The following ANKRD30B variants were observed in gnomAD, a reference collection of about 807,000 sequenced individuals.
The protein encoded by ANKRD30B is ankyrin repeat domain 30B.
In ANKRD30B, 144 loss-of-function variants were observed where a neutral mutation model predicts 202.2. That is an observed-to-expected ratio of 0.71 (90% CI 0.62 to 0.82). The LOEUF (loss-of-function observed/expected upper bound fraction) is 0.82. Ranked by LOEUF, ANKRD30B falls within the 40% of genes least tolerant of loss-of-function variation. The pLI is 0.00. For missense variants in ANKRD30B, 1,487 were observed against 1,669.1 expected, an observed-to-expected ratio of 0.89 and a Z score of 1.90; for synonymous variants, 508 against 561.3, an observed-to-expected ratio of 0.91 and a Z score of 1.34.
the ANKRD30B span, among the ~76,000 whole-genome samples, chr18:14,931,075 G>A: frequency 6.6e-6 from 1 of 152,184 alleles, no homozygotes; most frequent in Non-Finnish European, 1.5e-5. Flanking sequence ...TGTGCTGCGA[G>A]GTGGCATTTG....
At chr18:14,772,617 A>T (rs1430690745) in intron 9 of ANKRD30B, among the ~76,000 whole-genome samples, 1 of 151,624 alleles carries the variant, frequency 6.6e-6, no homozygotes, top group Admixed American at 6.6e-5. Flanking sequence ...TCATGCTTAA[A>T]TTTGTCTTGA....
chr18:14,926,894 CTA>C, the ANKRD30B span, among the ~76,000 whole-genome samples: 7 of 151,816 alleles, frequency 4.6e-5, no homozygotes, highest in African/African-American at 1.7e-4. Context: ...AAAGCACTGT[CTA>C]TGTGTATTCC....
At chr18:14,784,224 A>G in intron 12 of ANKRD30B, 112 bp from the exon 13 acceptor site, 1 of 1,087,972 alleles carries the variant, frequency 9.2e-7, no homozygotes, top group African/African-American at 1.6e-5. Context: ...AATCTAAACT[A>G]TTCATTCTCA....
At chr18:14,754,146 C>T (rs1913947585) in intron 3 of ANKRD30B, among the ~76,000 whole-genome samples, 2 of 152,154 alleles carry the variant, frequency 1.3e-5, no homozygotes, top group South Asian at 4.1e-4. Context: ...AAGCCAATCT[C>T]TTTTGATTTA....
the ANKRD30B span, among the ~76,000 whole-genome samples, chr18:14,922,448 G>A: frequency 2.0e-5 from 3 of 152,020 alleles, no homozygotes; most frequent in Non-Finnish European, 4.4e-5. Context: ...GAGGTCAGGA[G>A]ATTGAGATCA....
chr18:14,834,232 C>G (rs1469064702), intron 34 of ANKRD30B, among the ~76,000 whole-genome samples: 1 of 150,936 alleles, frequency 6.6e-6, no homozygotes, highest in Admixed American at 6.6e-5. Context: ...CAAAATATAA[C>G]ATGTAATTTT....
intron 24 of ANKRD30B, among the ~76,000 whole-genome samples, chr18:14,806,240 A>G (rs1231106490): frequency 6.9e-6 from 1 of 144,984 alleles, no homozygotes; most frequent in African/African-American, 2.6e-5. Flanking sequence ...GAAAAAAAAA[A>G]TCATAGTGTG....
chr18:14,935,442 A>G, the ANKRD30B span, among the ~76,000 whole-genome samples: 6 of 152,170 alleles, frequency 3.9e-5, no homozygotes, highest in Admixed American at 1.3e-4. Context: ...GGTAAAAATC[A>G]TGTGCATCCA....
At chr18:14,831,307 C>T in intron 33 of ANKRD30B, 76 bp from the exon 34 acceptor site, 1 of 920,514 alleles carries the variant, frequency 1.1e-6, no homozygotes, top group South Asian at 1.6e-5. Flanking sequence ...TTGGAGTGAG[C>T]ACTAAGATAT....
intron 35 of ANKRD30B, 37 bp downstream of exon 35, chr18:14,837,326 A>C: frequency 6.8e-7 from 1 of 1,471,926 alleles, no homozygotes; most frequent in Non-Finnish European, 9.2e-7. Flanking sequence ...AAAATAATAG[A>C]AATGGTAAAT....
chr18:14,853,221 GCTAT>G (rs1346399694), intron 42 of ANKRD30B, among the ~76,000 whole-genome samples: 1 of 151,966 alleles, frequency 6.6e-6, no homozygotes, highest in Non-Finnish European at 1.5e-5. Flanking sequence ...GATGATTGTA[GCTAT>G]CTGTGATTTA....
chr18:14,784,528 G>A lies in ANKRD30B; in HGVS notation c.1665G>A (p.Leu555=), dbSNP rs867563636. 3 of 1,612,652 alleles carry A rather than the reference G, an allele frequency of 1.9e-6. No homozygotes were observed. Among genetic ancestry groups the A allele is most frequent in the Non-Finnish European group, 1.7e-6 (2 of 1,179,060 alleles). Reference sequence around the variant, plus strand: ...TTGAATTGAAGAATGAACAAACATTGAGAGCAGGTAAATTTTTCAATTTAA... The same window carrying A: ...TTGAATTGAAGAATGAACAAACATTAAGAGCAGGTAAATTTTTCAATTTAA... ...KAFELKNEQT[L]RAAQMFPSES... Residue 555 remains leucine, a synonymous_variant, in exon 14 of 44, where the codon TTG becomes TTA. Coordinates refer to ENST00000690538, the MANE Select transcript of ANKRD30B (RefSeq NM_001367607.2).
intron 18 of ANKRD30B, among the ~76,000 whole-genome samples, chr18:14,797,456 T>A (rs548938541): frequency 5.3e-5 from 8 of 152,314 alleles, no homozygotes; most frequent in Admixed American, 4.6e-4. Context: ...GAGCATTGCA[T>A]CTTTTATTCC....
At chr18:14,842,181 A>G (rs962049842) in intron 37 of ANKRD30B, among the ~76,000 whole-genome samples, 93 of 152,330 alleles carry the variant, frequency 6.1e-4, no homozygotes, top group African/African-American at 2.2e-3. Context: ...ATTTTCAAAT[A>G]AACATATCAA....
At chr18:14,766,232 G>C (rs1916111975) in intron 7 of ANKRD30B, among the ~76,000 whole-genome samples, 1 of 151,802 alleles carries the variant, frequency 6.6e-6, no homozygotes, top group South Asian at 2.1e-4. Context: ...TAGCACTTTG[G>C]GAGGCCAAGG....
chr18:14,895,951 C>T, the ANKRD30B span, among the ~76,000 whole-genome samples: 5 of 152,040 alleles, frequency 3.3e-5, no homozygotes, highest in Admixed American at 6.6e-5. Flanking sequence ...AGTGGATACA[C>T]GATATACATT....
intron 32 of ANKRD30B, among the ~76,000 whole-genome samples, chr18:14,827,350 T>G (rs1001827473): frequency 6.6e-6 from 1 of 152,164 alleles, no homozygotes; most frequent in Non-Finnish European, 1.5e-5. Flanking sequence ...ACATTTAATA[T>G]TTTTGGACTA....
chr18:14,835,680 A>G (rs1342350925), intron 34 of ANKRD30B, among the ~76,000 whole-genome samples: 2 of 151,662 alleles, frequency 1.3e-5, no homozygotes, highest in Non-Finnish European at 3.0e-5. Flanking sequence ...TCTTTTCTCC[A>G]ATTTTAAACT....
At chr18:14,848,985 G>A in intron 40 of ANKRD30B, 56 bp downstream of exon 40, 21 of 1,374,034 alleles carry the variant, frequency 1.5e-5, no homozygotes, top group Non-Finnish European at 2.0e-5. Context: ...AAAGTATGTA[G>A]GATACTTTTT....
Sources: gnomAD v4.1 joint callset for allele counts (sites outside exome capture counted in the v4.1 genomes callset) on GRCh38, gnomAD v4.1.1 for gene constraint, MANE v1.5 for transcripts, NCBI Gene and HGNC (gene_info 2026-07-23, HGNC 2026-07-21) for gene names.